CDH18: variants seen among roughly 807,000 people sequenced by gnomAD.
CDH18 encodes cadherin-18.
CDH18 carries 31 observed loss-of-function variants against 67.9 expected under a neutral mutation model. The ratio of observed to expected loss-of-function variants is 0.46; its 90% CI spans 0.34 to 0.62. The LOEUF (loss-of-function observed/expected upper bound fraction) is 0.62. Ranked by LOEUF, CDH18 falls within the 20% of genes least tolerant of loss-of-function variation. The probability of loss-of-function intolerance (pLI) is 0.01; values close to 1 mark genes in which losing one functional copy is unlikely to be tolerated. For missense variants in CDH18, 890 were observed against 975.5 expected (o/e 0.91, Z 1.17); for synonymous variants, 362 against 347.2 (o/e 1.04, Z -0.48).
intron 2 of CDH18, among the ~76,000 whole-genome samples, chr5:20,088,369 G>A (rs943959097): frequency 9.2e-5 from 14 of 152,172 alleles, no homozygotes; most frequent in African/African-American, 3.4e-4. Flanking sequence ...AATAAGTTTC[G>A]GAATGGTCAT....
intron 1 of CDH18, among the ~76,000 whole-genome samples, chr5:20,461,135 T>C (rs190393216): frequency 2.0e-5 from 3 of 152,300 alleles, no homozygotes; most frequent in Non-Finnish European, 4.4e-5. Flanking sequence ...CTTGGGTGTC[T>C]GACAGCCACA....
chr5:20,551,526 T>A (rs1015512365), intron 1 of CDH18, among the ~76,000 whole-genome samples: 1 of 151,916 alleles, frequency 6.6e-6, no homozygotes, highest in African/African-American at 2.4e-5. Context: ...AGAGACACTT[T>A]CCTGGCTTGG....
At chr5:20,355,901 A>C (rs1741570232) in intron 1 of CDH18, among the ~76,000 whole-genome samples, 1 of 152,236 alleles carries the variant, frequency 6.6e-6, no homozygotes, top group South Asian at 2.1e-4. Flanking sequence ...AGACCAAATT[A>C]ACTTAGGTAA....
At chr5:20,477,478 A>T (rs1441014866) in intron 1 of CDH18, among the ~76,000 whole-genome samples, 4 of 152,222 alleles carry the variant, frequency 2.6e-5, no homozygotes, top group Non-Finnish European at 5.9e-5. Flanking sequence ...TTGTAGGAGA[A>T]AGAGCACAGT....
chr5:19,951,576 G>A (rs750232102), intron 2 of CDH18, among the ~76,000 whole-genome samples: 26 of 152,186 alleles, frequency 1.7e-4, no homozygotes, highest in Non-Finnish European at 3.5e-4. Context: ...GTAGGACTCT[G>A]ATGTCATAAA....
rs1367029630 is a variant in CDH18, at chr5:20,172,208, A to G, written c.-518+83236T>C. Reference sequence around the variant, plus strand: ...ATTGTGTGTATATATATATATATATATATATATATATATATGTATATATAT... The same window carrying G: ...ATTGTGTGTATATATATATATATATGTATATATATATATATGTATATATAT... On this transcript the variant is annotated intron_variant, in intron 2 of 14. Transcript: ENST00000507958. 2.4e-4 allele frequency among the ~76,000 whole-genome samples: 16 copies of G among 66,526 alleles called. 1 individual carries two copies. Among genetic ancestry groups the G allele is most frequent in the African/African-American group, 5.0e-4 (7 of 14,118 alleles). The allele number at this position is 66,526 out of a possible 152,430, so 43.6% of individuals were successfully genotyped here. A position where few individuals can be genotyped will look rare whatever the true frequency, so the allele number is the denominator to read the frequency against.
chr5:19,548,752 CT>C (rs5866388), intron 8 of CDH18, among the ~76,000 whole-genome samples: 29,995 of 137,662 alleles, frequency 0.22, 3,096 homozygotes, highest in African/African-American at 0.28. Flanking sequence ...TATTTATCAG[CT>C]TTTTTTTTTT....
At chr5:19,641,105 T>G (rs1414646845) in intron 5 of CDH18, among the ~76,000 whole-genome samples, 1 of 149,206 alleles carries the variant, frequency 6.7e-6, no homozygotes, top group Non-Finnish European at 1.5e-5. Context: ...TGAAAAAATT[T>G]CTAGAAATAC....
intron 3 of CDH18, among the ~76,000 whole-genome samples, chr5:19,778,670 T>G (rs1044068132): frequency 1.3e-5 from 2 of 152,184 alleles, no homozygotes; most frequent in African/African-American, 4.8e-5. Flanking sequence ...TGGACTCTTC[T>G]TATTGTGCAA....
At position 20,172,202 on chromosome 5, in the gene CDH18, ATATATATATATATATATATATG is replaced by A. The variant is rs1300293338; in HGVS notation, c.-518+83220_-518+83241del. Among the ~76,000 whole-genome samples the A allele has an allele frequency of 3.7e-4, 17 of 46,042 alleles. No homozygotes were observed. In the South Asian group the frequency reaches 9.5e-3, roughly 26 times the overall value. 30.2% of individuals were successfully genotyped at this position (46,042 alleles called of 152,430 possible). A position where few individuals can be genotyped will look rare whatever the true frequency, so the allele number is the denominator to read the frequency against. On this transcript the variant is annotated intron_variant, in intron 2 of 14. Coordinates refer to the CDH18 transcript ENST00000507958. ...AATAGCATTGTGTGTATATATATAT[ATATATATATATATATATATATG>A]TATATATATATATATGTATATATAT...
intron 1 of CDH18, among the ~76,000 whole-genome samples, chr5:20,269,637 C>T (rs1402601999): frequency 6.6e-6 from 1 of 152,066 alleles, no homozygotes; most frequent in Non-Finnish European, 1.5e-5. Flanking sequence ...ACAAATATTA[C>T]ATAATCTCAC....
Position 19,937,172 on chromosome 5 carries a change from A to C in CDH18, c.-257+43888T>G, listed in dbSNP as rs145259184. ...ACTGTTGAGGGACAGAAATTTAAGAAACTGAGGTGGGAAGGGTCTTTTGTA... is the reference window on the plus strand; with the variant it reads ...ACTGTTGAGGGACAGAAATTTAAGACACTGAGGTGGGAAGGGTCTTTTGTA... On this transcript the variant is annotated intron_variant, in intron 2 of 12. Transcript: ENST00000382275. Among the ~76,000 whole-genome samples the C allele has an allele frequency of 2.1e-3, 312 of 151,502 alleles. 2 individuals are homozygous for C. The highest frequency in any genetic ancestry group is 7.0e-3 in the African/African-American group (291 of 41,490).
At chr5:19,534,176 G>A (rs1411982643) in intron 9 of CDH18, among the ~76,000 whole-genome samples, 1 of 151,782 alleles carries the variant, frequency 6.6e-6, no homozygotes, top group Non-Finnish European at 1.5e-5. Flanking sequence ...TAAAAATATA[G>A]GCCTGATGGT....
chr5:19,550,736 G>A (rs1737284561), intron 8 of CDH18, among the ~76,000 whole-genome samples: 1 of 152,102 alleles, frequency 6.6e-6, no homozygotes, highest in African/African-American at 2.4e-5. Flanking sequence ...GTGTGCATGT[G>A]TCTTTATAGC....
At chr5:19,747,863 C>G (rs890653634) in intron 3 of CDH18, among the ~76,000 whole-genome samples, 1 of 151,306 alleles carries the variant, frequency 6.6e-6, no homozygotes, top group African/African-American at 2.4e-5. Flanking sequence ...AATCCCAGCA[C>G]TTTGGGAGGC....
rs549320191 is a variant in CDH18 at position 20,468,326 on chromosome 5, C to G, written c.-580+107136G>C. Among the ~76,000 whole-genome samples the G allele has an allele frequency of 5.3e-5, 8 of 152,210 alleles. No homozygotes were observed. The East Asian group carries it at 1.4e-3, about 26-fold the overall frequency. On this transcript the variant is annotated intron_variant, in intron 1 of 14. Coordinates refer to the CDH18 transcript ENST00000507958. The stretch of plus-strand genomic sequence containing the variant: ...CTGCCACGCCCAGCCTACTTACTTT[C>G]TAATTGCCAATACATTTAAAGTACA...
chr5:19,482,043 A>C (rs549151996), intron 12 of CDH18, among the ~76,000 whole-genome samples: 6 of 152,274 alleles, frequency 3.9e-5, no homozygotes, highest in African/African-American at 1.4e-4. Flanking sequence ...TACAACAGAT[A>C]ATGTAAAATT....
Position 19,819,191 on chromosome 5 carries a change from G to A in CDH18, c.228+19568C>T, listed in dbSNP as rs151220281. ...TAAAGAATAATATATATTGATTAAT[G>A]TCAACAGAATTAATTATATCATAAT... On this transcript the variant is annotated intron_variant, in intron 3 of 12. Coordinates refer to ENST00000382275, the MANE Select transcript of CDH18 (RefSeq NM_004934.5). Among the ~76,000 whole-genome samples the A allele has an allele frequency of 7.1e-3, 1,073 of 151,956 alleles. 6 individuals are homozygous for A. The highest frequency in any genetic ancestry group is 0.025 in the African/African-American group (1,040 of 41,478).
chr5:19,712,639 T>TTA (rs962156685), intron 5 of CDH18, among the ~76,000 whole-genome samples: 9 of 105,340 alleles, frequency 8.5e-5, no homozygotes, highest in South Asian at 3.9e-4. Flanking sequence ...AGCTTAAAAT[T>TTA]TATATATATA....
Sources: allele counts gnomAD v4.1 joint callset (sites outside exome capture counted in the v4.1 genomes callset), GRCh38; gene constraint gnomAD v4.1.1; transcripts MANE v1.5; gene names NCBI Gene and HGNC (gene_info 2026-07-23, HGNC 2026-07-21).